The following SMARCA5 variants were observed in gnomAD, a reference collection of about 807,000 sequenced individuals.
The protein encoded by SMARCA5 is SWI/SNF-related matrix-associated actin-dependent regulator of chromatin subfamily A member 5.
A neutral mutation model predicts 140.4 loss-of-function variants in SMARCA5; 18 were observed. The ratio of observed to expected loss-of-function variants is 0.13; its 90% CI spans 0.09 to 0.19. The LOEUF (loss-of-function observed/expected upper bound fraction) is 0.19, where lower values mean the gene tolerates loss of function less well. Ranked by LOEUF, SMARCA5 falls within the 10% of genes least tolerant of loss-of-function variation. SMARCA5 has a pLI of 1.00. For missense variants in SMARCA5, 606 were observed against 1,276.8 expected, an observed-to-expected ratio of 0.47 and a Z score of 8.01; for synonymous variants, 449 against 419.6, an observed-to-expected ratio of 1.07 and a Z score of -0.86.
chr4:143,521,893 C>CGA (rs1736968030), intron 3 of SMARCA5, among the ~76,000 whole-genome samples: 1 of 44,808 alleles, frequency 2.2e-5, no homozygotes, highest in Non-Finnish European at 4.3e-5. Context: ...CCCATCTCTA[C>CGA]AAAAAAAAAA....
At chr4:143,521,935 G>A (rs1006263098) in intron 3 of SMARCA5, among the ~76,000 whole-genome samples, 12 of 145,274 alleles carry the variant, frequency 8.3e-5, no homozygotes, top group Admixed American at 1.4e-4. Flanking sequence ...ACTGCATAAC[G>A]CCTTATTTTT....
chr4:143,527,173 G>C (rs1195417449), intron 6 of SMARCA5, among the ~76,000 whole-genome samples: 1 of 152,162 alleles, frequency 6.6e-6, no homozygotes, highest in Non-Finnish European at 1.5e-5. Context: ...ATTTCGATCA[G>C]TTGACAACAT....
intron 15 of SMARCA5, 26 bp downstream of exon 15, chr4:143,543,683 T>C (rs750289913): frequency 3.1e-6 from 5 of 1,587,692 alleles, no homozygotes; most frequent in Non-Finnish European, 4.3e-6. Flanking sequence ...AATAATGCTT[T>C]TAATATAGAA....
rs191535511 is a variant in SMARCA5, at chr4:143,528,826, T to C, written c.1089+112T>C. The C allele has an allele frequency of 1.2e-3, 1,008 of 869,304 alleles. 3 individuals are homozygous for C. Among genetic ancestry groups the C allele is most frequent in the Non-Finnish European group, 1.6e-3 (943 of 598,152 alleles). 53.8% of individuals were successfully genotyped at this position (869,304 alleles called of 1,614,324 possible). A position where few individuals can be genotyped will look rare whatever the true frequency, so the allele number is the denominator to read the frequency against. On this transcript the variant is annotated intron_variant, in intron 8 of 23. Coordinates refer to ENST00000283131, the MANE Select transcript of SMARCA5 (RefSeq NM_003601.4). ...CATGGCTTGAGGTTATTATTAATTT[T>C]TTATGCTTTTATTTACATAGTTAGC... is the stretch of plus-strand genomic sequence containing the variant.
At chr4:143,545,151 C>G (rs1298912585) in intron 17 of SMARCA5, among the ~76,000 whole-genome samples, 1 of 152,036 alleles carries the variant, frequency 6.6e-6, no homozygotes, top group Non-Finnish European at 1.5e-5. Flanking sequence ...CCATGTTGGC[C>G]AGGATGGTCT....
rs1224034166 is a variant in SMARCA5, at chr4:143,521,377, G to A, written c.253-52G>A. 3 of 1,345,610 alleles carry A rather than the reference G, an allele frequency of 2.2e-6. No homozygotes were observed. In the East Asian group the frequency reaches 7.1e-5, roughly 32 times the overall value. 83.4% of individuals were successfully genotyped at this position (1,345,610 alleles called of 1,614,324 possible). On this transcript the variant is annotated intron_variant, in intron 2 of 23. Coordinates refer to ENST00000283131, the MANE Select transcript of SMARCA5 (RefSeq NM_003601.4). The stretch of plus-strand genomic sequence containing the variant: ...GAGGCATGCTGAAACTTTGATTTCT[G>A]AAGTTTTAATTGATACTCTGATAAA...
rs964654084 is a variant in SMARCA5 at position 143,555,445 on chromosome 4, A to C, written c.*2261A>C. The C allele has an allele frequency of 1.7e-5, 10 of 576,094 alleles. No individual in the cohort carries two copies. The highest frequency in any genetic ancestry group is 2.9e-5 in the Non-Finnish European group (9 of 311,140). The allele number at this position is 576,094 out of a possible 1,614,324, so 35.7% of individuals were successfully genotyped here. A position where few individuals can be genotyped will look rare whatever the true frequency, so the allele number is the denominator to read the frequency against. On this transcript the variant is annotated 3_prime_UTR_variant, in exon 24 of 24. Transcript: ENST00000283131. ...CTGTATTTGTGACTAATTGTATAAT[A>C]GTTTCTGTTCTGTGGAAAGTAAAGC...
Position 143,555,513 on chromosome 4 carries a change from C to G in SMARCA5, c.*2329C>G, listed in dbSNP as rs1408874274. 1 of 436,214 alleles carries G rather than the reference C, an allele frequency of 2.3e-6. No individual in the cohort carries two copies. Among genetic ancestry groups the G allele is most frequent in the East Asian group, 4.5e-5 (1 of 21,980 alleles). 27.0% of individuals were successfully genotyped at this position (436,214 alleles called of 1,614,324 possible). On this transcript the variant is annotated 3_prime_UTR_variant, in exon 24 of 24. Coordinates refer to ENST00000283131, the MANE Select transcript of SMARCA5 (RefSeq NM_003601.4). ...CAGTGTAGATTGTTTTGTTTTGTAC[C>G]CATGCTGTTGATTGCTAAATGTTTT...
intron 14 of SMARCA5, among the ~76,000 whole-genome samples, chr4:143,540,780 A>G (rs1284195424): frequency 6.6e-6 from 1 of 152,174 alleles, no homozygotes; most frequent in Non-Finnish European, 1.5e-5. Context: ...AAATAACTAC[A>G]CTTAAGGATT....
chr4:143,514,222 C>A, intron 1 of SMARCA5, 121 bp downstream of exon 1: 1 of 892,310 alleles, frequency 1.1e-6, no homozygotes, highest in Non-Finnish European at 1.6e-6. Context: ...CTCAGCTTCA[C>A]ACCCTGTGGA....
chr4:143,541,255 T>G (rs1164199274), intron 14 of SMARCA5, among the ~76,000 whole-genome samples: 1 of 152,208 alleles, frequency 6.6e-6, no homozygotes, highest in Non-Finnish European at 1.5e-5. Flanking sequence ...CTTAATAATT[T>G]CAAGTGTGCA....
chr4:143,514,194 TTC>T (rs1325415333), intron 1 of SMARCA5, 93 bp downstream of exon 1: 44 of 1,190,738 alleles, frequency 3.7e-5, no homozygotes, highest in Middle Eastern at 2.6e-4. Context: ...AGAGCCGGGT[TTC>T]TCTCTCTGCA....
At chr4:143,515,388 T>C (rs1247661626) in intron 1 of SMARCA5, among the ~76,000 whole-genome samples, 1 of 152,130 alleles carries the variant, frequency 6.6e-6, no homozygotes, top group African/African-American at 2.4e-5. Flanking sequence ...CAGTGTTGCT[T>C]TTTTTTCCTT....
chr4:143,535,260 CTG>C (rs921160788), intron 10 of SMARCA5, among the ~76,000 whole-genome samples: 7 of 152,132 alleles, frequency 4.6e-5, no homozygotes, highest in East Asian at 1.9e-4. Context: ...AAAAAGGAAA[CTG>C]TGATAGCACA....
intron 8 of SMARCA5, 79 bp from the exon 9 acceptor site, chr4:143,530,379 A>G: frequency 2.3e-6 from 2 of 869,582 alleles, no homozygotes; most frequent in South Asian, 1.8e-5. Flanking sequence ...AATTCTAGAA[A>G]TCATTTCTAT....
At chr4:143,526,527 T>A in intron 6 of SMARCA5, 67 bp downstream of exon 6, 1 of 1,008,072 alleles carries the variant, frequency 9.9e-7, no homozygotes, top group Non-Finnish European at 1.5e-6. Context: ...TGGGTATGGG[T>A]ATAGCTGGAA....
intron 14 of SMARCA5, among the ~76,000 whole-genome samples, chr4:143,541,902 G>A (rs1737434684): frequency 6.6e-6 from 1 of 151,122 alleles, no homozygotes. Context: ...TTGTTACTCA[G>A]GCTGGAGTGC....
chr4:143,547,890 A>T (rs767281826), intron 21 of SMARCA5, 38 bp from the exon 22 acceptor site: 1 of 1,212,444 alleles, frequency 8.2e-7, no homozygotes, highest in East Asian at 2.5e-5. Context: ...ATTATATAGG[A>T]TTTGTATTTT....
At chr4:143,541,829 T>A (rs1234174472) in intron 14 of SMARCA5, among the ~76,000 whole-genome samples, 1 of 152,172 alleles carries the variant, frequency 6.6e-6, no homozygotes, top group Non-Finnish European at 1.5e-5. Flanking sequence ...GCCGTGTGTT[T>A]CTTGTTCTCA....
Sources: allele counts gnomAD v4.1 joint callset (sites outside exome capture counted in the v4.1 genomes callset), GRCh38; gene constraint gnomAD v4.1.1; transcripts MANE v1.5; gene names NCBI Gene and HGNC (gene_info 2026-07-23, HGNC 2026-07-21).